PKP4: variants seen among roughly 807,000 people sequenced by gnomAD.
The protein encoded by PKP4 is plakophilin 4.
PKP4 carries 90 observed loss-of-function variants against 145.1 expected under a neutral mutation model. The observed-to-expected ratio is 0.62, with a 90% CI of 0.52 to 0.74. The LOEUF (loss-of-function observed/expected upper bound fraction) is 0.74. PKP4 is among the 30% of genes least tolerant of loss of function. The pLI is 0.00. For synonymous variants in PKP4, 563 were observed against 577.2 expected (o/e 0.98, Z 0.35); for missense variants, 1,340 against 1,482.7 (o/e 0.90, Z 1.58).
chr2:158,472,412 A>T (rs1691717699), intron 1 of PKP4, among the ~76,000 whole-genome samples: 1 of 152,086 alleles, frequency 6.6e-6, no homozygotes, highest in Non-Finnish European at 1.5e-5. Flanking sequence ...GATCGAGACC[A>T]TCCTGGCTAA....
chr2:158,649,491 T>C (rs1416200264), intron 11 of PKP4, among the ~76,000 whole-genome samples: 1 of 152,224 alleles, frequency 6.6e-6, no homozygotes, highest in African/African-American at 2.4e-5. Flanking sequence ...AGCACTATAA[T>C]ATCAAACTAG....
chr2:158,622,608 C>T (rs1183025075), intron 6 of PKP4, among the ~76,000 whole-genome samples: 1 of 152,156 alleles, frequency 6.6e-6, no homozygotes, highest in Non-Finnish European at 1.5e-5. Flanking sequence ...CACAGAGAAA[C>T]ATAATACAAC....
intron 2 of PKP4, chr2:158,548,774 C>G (rs2045323731): frequency 3.4e-6 from 1 of 291,640 alleles, no homozygotes; most frequent in Non-Finnish European, 6.5e-6. Flanking sequence ...GAGACTTGGC[C>G]TGGGCTGAGA....
rs747485437 is a variant in PKP4 at position 158,676,869 on chromosome 2, T to TAAGA, written c.3256+3_3256+6dup. 6.2e-7 allele frequency: 1 copy of TAAGA among 1,614,078 alleles called. No homozygotes were observed. Among genetic ancestry groups the TAAGA allele is most frequent in the Admixed American group, 1.7e-5 (1 of 60,010 alleles). On this transcript the variant is annotated splice_region_variant and intron_variant, in intron 20 of 21. Transcript: ENST00000389759. ...CCACACATAAAGGCCTGTACCCTGG[T>TAAGA]AAGACGCCAGTTGGGTGTGTGATAC...
At chr2:158,469,945 A>G (rs547619820) in intron 1 of PKP4, among the ~76,000 whole-genome samples, 4 of 152,088 alleles carry the variant, frequency 2.6e-5, no homozygotes, top group Non-Finnish European at 5.9e-5. Flanking sequence ...GTCTAACTCA[A>G]TGACCCCTCT....
chr2:158,639,740 TAC>T (rs1375185974), intron 9 of PKP4, among the ~76,000 whole-genome samples: 3 of 152,156 alleles, frequency 2.0e-5, no homozygotes, highest in African/African-American at 7.2e-5. Context: ...AAAGTATATA[TAC>T]ATAGCATGAT....
intron 2 of PKP4, among the ~76,000 whole-genome samples, chr2:158,545,544 T>C (rs1483872515): frequency 6.6e-6 from 1 of 152,212 alleles, no homozygotes; most frequent in Non-Finnish European, 1.5e-5. Flanking sequence ...ATTTTCCTAA[T>C]AATACTTGCA....
intron 2 of PKP4, among the ~76,000 whole-genome samples, chr2:158,552,819 C>T (rs1274181213): frequency 6.6e-6 from 1 of 152,056 alleles, no homozygotes; most frequent in Non-Finnish European, 1.5e-5. Flanking sequence ...GTCTAAAAAC[C>T]AATGTACATG....
chr2:158,612,841 T>C (rs1365244129), intron 4 of PKP4, among the ~76,000 whole-genome samples: 1 of 152,102 alleles, frequency 6.6e-6, no homozygotes, highest in African/African-American at 2.4e-5. Context: ...GCTAATTAAC[T>C]CGTTCTCATG....
At chr2:158,469,906 C>T (rs1464970104) in intron 1 of PKP4, among the ~76,000 whole-genome samples, 1 of 152,180 alleles carries the variant, frequency 6.6e-6, no homozygotes, top group Admixed American at 6.5e-5. Flanking sequence ...CCTTCTCTGC[C>T]TGGTGAGCCC....
chr2:158,673,670 T>C lies in PKP4; in HGVS notation c.2925-7T>C. ...CACATTCATTAATATCCTTGCTCTC[T>C]ACCTAGATCATCTCTGAAAGTGGTG... On this transcript the variant is annotated splice_polypyrimidine_tract_variant and splice_region_variant and intron_variant, in intron 17 of 21. Coordinates refer to ENST00000389759, the MANE Select transcript of PKP4 (RefSeq NM_003628.6). The C allele has an allele frequency of 6.2e-7, 1 of 1,602,432 alleles. No homozygotes were observed. The highest frequency in any genetic ancestry group is 8.5e-7 in the Non-Finnish European group (1 of 1,170,490).
chr2:158,475,797 C>G (rs1206587389), intron 1 of PKP4, among the ~76,000 whole-genome samples: 1 of 152,176 alleles, frequency 6.6e-6, no homozygotes, highest in Non-Finnish European at 1.5e-5. Context: ...TGCCCTATCT[C>G]CCATATCCAC....
At position 158,662,879 on chromosome 2, in the gene PKP4, C is replaced by T. The variant is rs201267770; in HGVS notation, c.2212-18C>T. On this transcript the variant is annotated intron_variant, in intron 13 of 21. Transcript: ENST00000389759. The stretch of plus-strand genomic sequence containing the variant: ...ATGTGCCGAGTTGTTTTTAATTATA[C>T]GCCATGCTGGGTTTCAGACGGTGGA... 1.4e-4 allele frequency: 215 copies of T among 1,571,310 alleles called. No individual in the cohort carries two copies. The highest frequency in any genetic ancestry group is 1.7e-4 in the Non-Finnish European group (201 of 1,159,370).
chr2:158,639,321 G>T (rs13012065), intron 9 of PKP4, among the ~76,000 whole-genome samples: 15,690 of 137,722 alleles, frequency 0.11, 2,051 homozygotes, highest in African/African-American at 0.32. Context: ...ACGCATGAGG[G>T]GTGTGTGTGT....
intron 1 of PKP4, among the ~76,000 whole-genome samples, chr2:158,492,504 C>A (rs1036798167): frequency 6.6e-6 from 1 of 152,116 alleles, no homozygotes; most frequent in Non-Finnish European, 1.5e-5. Flanking sequence ...CCCTCTCCCC[C>A]ACACCAACCC....
intron 2 of PKP4, among the ~76,000 whole-genome samples, chr2:158,568,679 A>T (rs2047189664): frequency 6.6e-6 from 1 of 152,138 alleles, no homozygotes; most frequent in Non-Finnish European, 1.5e-5. Flanking sequence ...GTCACTGTTG[A>T]GTAGACAGTC....
At chr2:158,658,055 T>C in intron 11 of PKP4, 76 bp from the exon 12 acceptor site, 1 of 838,700 alleles carries the variant, frequency 1.2e-6, no homozygotes, top group Non-Finnish European at 1.9e-6. Flanking sequence ...TCATATTAAT[T>C]AGAGCTAATA....
chr2:158,645,905 G>T (rs2054781910), intron 11 of PKP4, among the ~76,000 whole-genome samples: 1 of 152,164 alleles, frequency 6.6e-6, no homozygotes, highest in Non-Finnish European at 1.5e-5. Context: ...TTTAAGTAGA[G>T]CCCGACTTTA....
At chr2:158,552,532 A>G (rs984777696) in intron 2 of PKP4, among the ~76,000 whole-genome samples, 1 of 152,080 alleles carries the variant, frequency 6.6e-6, no homozygotes, top group Non-Finnish European at 1.5e-5. Context: ...CTTTAAACAA[A>G]ACGTTGGTAG....
Sources: allele counts gnomAD v4.1 joint callset (sites outside exome capture counted in the v4.1 genomes callset), GRCh38; gene constraint gnomAD v4.1.1; transcripts MANE v1.5; gene names NCBI Gene and HGNC (gene_info 2026-07-23, HGNC 2026-07-21).